PTPRD: variants seen among roughly 807,000 people sequenced by gnomAD.
PTPRD encodes the protein protein tyrosine phosphatase receptor type D, also known as receptor-type tyrosine-protein phosphatase delta.
PTPRD carries 34 observed loss-of-function variants against 214.5 expected under a neutral mutation model. The ratio of observed to expected loss-of-function variants is 0.16; its 90% confidence interval spans 0.12 to 0.21. The LOEUF is 0.21. Ranked by LOEUF, PTPRD falls within the 10% of genes least tolerant of loss-of-function variation. PTPRD has a pLI of 1.00. For synonymous variants in PTPRD, 1,128 were observed against 845.7 expected (o/e 1.33, Z -5.79); for missense variants, 2,545 against 2,398.7 (o/e 1.06, Z -1.27).
rs557210618 is a variant in PTPRD, at chr9:9,354,892, C to T, written c.-203+42557G>A. ...GTGAGGTAACAACTAGTGCAAGAGGCCTAAGGATAGTCCATGCCTGGCATT... is the reference window on the plus strand; with the variant it reads ...GTGAGGTAACAACTAGTGCAAGAGGTCTAAGGATAGTCCATGCCTGGCATT... On this transcript the variant is annotated intron_variant, in intron 9 of 45. Transcript: ENST00000381196. Among the ~76,000 whole-genome samples, 23 of 151,538 alleles carry T rather than the reference C, an allele frequency of 1.5e-4. No homozygotes were observed. In the South Asian group the frequency reaches 4.4e-3, roughly 29 times the overall value.
At chr9:9,152,335 C>T (rs2099877555) in intron 10 of PTPRD, among the ~76,000 whole-genome samples, 1 of 152,192 alleles carries the variant, frequency 6.6e-6, no homozygotes, top group Non-Finnish European at 1.5e-5. Context: ...TGTAATACAA[C>T]ATTCTGCCCT....
intron 3 of PTPRD, among the ~76,000 whole-genome samples, chr9:10,079,409 A>G (rs62537262): frequency 6.6e-6 from 1 of 151,884 alleles, no homozygotes; most frequent in African/African-American, 2.4e-5. Flanking sequence ...TCCCGAGGCC[A>G]CCCCTGGGTT....
At chr9:9,115,601 C>T (rs2099811665) in intron 10 of PTPRD, among the ~76,000 whole-genome samples, 1 of 152,146 alleles carries the variant, frequency 6.6e-6, no homozygotes, top group East Asian at 1.9e-4. Flanking sequence ...GAAGATCTAT[C>T]ATTCAATCTA....
intron 8 of PTPRD, among the ~76,000 whole-genome samples, chr9:9,444,572 T>C (rs73644725): frequency 6.6e-6 from 1 of 152,184 alleles, no homozygotes; most frequent in Non-Finnish European, 1.5e-5. Flanking sequence ...ATGGATATGA[T>C]AACATTTTAG....
intron 9 of PTPRD, among the ~76,000 whole-genome samples, chr9:9,273,808 C>A (rs1311360861): frequency 6.6e-6 from 1 of 151,242 alleles, no homozygotes; most frequent in African/African-American, 2.4e-5. Flanking sequence ...CACTGCAAAT[C>A]TGACTAGGAG....
intron 20 of PTPRD, among the ~76,000 whole-genome samples, 197 bp from the exon 21 acceptor site, chr9:8,518,626 C>T (rs2097830328): frequency 6.6e-6 from 1 of 152,192 alleles, no homozygotes; most frequent in South Asian, 2.1e-4. Context: ...ATCCTGCTTT[C>T]CTAGAAGGGC....
chr9:8,953,109 TAGG>T (rs1323688927), intron 11 of PTPRD, among the ~76,000 whole-genome samples: 1 of 151,836 alleles, frequency 6.6e-6, no homozygotes, highest in East Asian at 1.9e-4. Flanking sequence ...TTGGTTACTG[TAGG>T]AGATGTGCAG....
chr9:8,830,722 A>C (rs890215780), intron 11 of PTPRD, among the ~76,000 whole-genome samples: 1 of 152,168 alleles, frequency 6.6e-6, no homozygotes, highest in African/African-American at 2.4e-5. Flanking sequence ...TTTTAAAAAG[A>C]GAAAACAAGT....
At chr9:9,891,316 A>G (rs7872295) in intron 5 of PTPRD, among the ~76,000 whole-genome samples, 4,521 of 152,210 alleles carry the variant, frequency 0.03, 191 homozygotes, top group African/African-American at 0.096. Context: ...CAAATAATTA[A>G]AGAATACCAA....
intron 2 of PTPRD, among the ~76,000 whole-genome samples, chr9:10,404,534 A>C (rs921608749): frequency 2.6e-5 from 4 of 151,752 alleles, no homozygotes; most frequent in African/African-American, 9.7e-5. Flanking sequence ...ATGTTCATTT[A>C]TAAATACAGC....
At chr9:10,003,762 CAT>C (rs2154096918) in intron 4 of PTPRD, among the ~76,000 whole-genome samples, 1 of 151,758 alleles carries the variant, frequency 6.6e-6, no homozygotes, top group Non-Finnish European at 1.5e-5. Context: ...TATAACAACT[CAT>C]GTGGTCCTCA....
chr9:10,195,416 G>A (rs916426791), intron 3 of PTPRD, among the ~76,000 whole-genome samples: 2 of 152,160 alleles, frequency 1.3e-5, no homozygotes, highest in South Asian at 4.1e-4. Context: ...GCATTTCCTA[G>A]CCTGTTTGCT....
intron 2 of PTPRD, among the ~76,000 whole-genome samples, chr9:10,403,669 A>G (rs1269998710): frequency 6.6e-6 from 1 of 151,726 alleles, no homozygotes; most frequent in African/African-American, 2.4e-5. Context: ...ACTGAGTACT[A>G]AAAGGAAATA....
chr9:10,047,084 GAGTC>G (rs1377138920), intron 3 of PTPRD, among the ~76,000 whole-genome samples: 1 of 151,818 alleles, frequency 6.6e-6, no homozygotes, highest in African/African-American at 2.4e-5. Flanking sequence ...TGATTTTTAA[GAGTC>G]AGCTCACCTA....
At chr9:9,575,630 G>T (rs1214190431) in intron 7 of PTPRD, among the ~76,000 whole-genome samples, 1 of 140,364 alleles carries the variant, frequency 7.1e-6, no homozygotes, top group Non-Finnish European at 1.5e-5. Context: ...TGAGGCAGGA[G>T]AATCACTGGA....
Position 9,271,338 on chromosome 9 carries a change from T to C in PTPRD, c.-202-87975A>G, listed in dbSNP as rs74730948. Among the ~76,000 whole-genome samples the C allele has an allele frequency of 4.5e-3, 683 of 151,270 alleles. 5 individuals are homozygous for C. Among genetic ancestry groups the C allele is most frequent in the East Asian group, 0.042 (212 of 5,078 alleles). On this transcript the variant is annotated intron_variant, in intron 9 of 45. Transcript: ENST00000381196. ...CTCATCTTTCTGAACATGGTATAATTTGGAAAAGTACGTTCACCTTCTCCA... is the reference window on the plus strand; with the variant it reads ...CTCATCTTTCTGAACATGGTATAATCTGGAAAAGTACGTTCACCTTCTCCA...
chr9:10,242,639 T>C (rs1017657656), intron 3 of PTPRD, among the ~76,000 whole-genome samples: 1 of 148,918 alleles, frequency 6.7e-6, no homozygotes, highest in African/African-American at 2.5e-5. Context: ...TTGACTAACA[T>C]GGTGTATCTT....
chr9:10,171,773 G>C (rs937098427), intron 3 of PTPRD, among the ~76,000 whole-genome samples: 46 of 152,110 alleles, frequency 3.0e-4, no homozygotes, highest in Middle Eastern at 3.4e-3. Context: ...TCCACCCGCC[G>C]TGGCCTCCCA....
rs114876543 is a variant in PTPRD at position 9,862,380 on chromosome 9, G to A, written c.-368+76127C>T. ...TATGCAGACACAGGAACTAACTGCT[G>A]TAACTAACTGCCGTATATCCAAACC... is the stretch of plus-strand genomic sequence containing the variant. On this transcript the variant is annotated intron_variant, in intron 5 of 45. Transcript: ENST00000381196. Among the ~76,000 whole-genome samples the A allele has an allele frequency of 8.9e-4, 135 of 152,314 alleles. 1 individual carries two copies. The highest frequency in any genetic ancestry group is 3.2e-3 in the African/African-American group (135 of 41,574).
Sources: allele counts gnomAD v4.1 joint callset (sites outside exome capture counted in the v4.1 genomes callset), GRCh38; gene constraint gnomAD v4.1.1; transcripts MANE v1.5; gene names NCBI Gene and HGNC (gene_info 2026-07-23, HGNC 2026-07-21).